ACACA: variants seen among roughly 807,000 people sequenced by gnomAD.
ACACA encodes acetyl-CoA carboxylase alpha, also known as acetyl-CoA carboxylase 1.
In ACACA, 103 loss-of-function variants were observed where a neutral mutation model predicts 296.1. That is an observed-to-expected ratio of 0.35 (90% CI 0.30 to 0.41). The LOEUF is 0.41. Ranked by LOEUF, ACACA falls within the 10% of genes least tolerant of loss-of-function variation. The pLI is 1.00. For missense variants in ACACA, 1,554 were observed against 2,989.7 expected (o/e 0.52, Z 11.20); for synonymous variants, 953 against 1,038.6 (o/e 0.92, Z 1.58).
intron 9 of ACACA, among the ~76,000 whole-genome samples, chr17:37,272,526 G>A (rs1457922530): frequency 6.6e-6 from 1 of 151,526 alleles, no homozygotes; most frequent in Non-Finnish European, 1.5e-5. Context: ...CTGAGTGATA[G>A]ATGATCAAAG....
chr17:37,110,318 T>G (rs1301304684), intron 52 of ACACA, among the ~76,000 whole-genome samples: 1 of 152,248 alleles, frequency 6.6e-6, no homozygotes, highest in Non-Finnish European at 1.5e-5. Flanking sequence ...CTGCAGTTAC[T>G]TTAATTAAAG....
intron 26 of ACACA, 181 bp from the exon 27 acceptor site, chr17:37,225,286 C>G: frequency 1.7e-6 from 1 of 577,612 alleles, no homozygotes; most frequent in Non-Finnish European, 3.1e-6. Context: ...CCACCAAATA[C>G]TGAATCTCAG....
At chr17:37,346,701 C>CAAA (rs1233696565) in intron 1 of ACACA, among the ~76,000 whole-genome samples, 11 of 36,600 alleles carry the variant, frequency 3.0e-4, no homozygotes, top group Non-Finnish European at 4.2e-4. Flanking sequence ...GACTCCATCT[C>CAAA]AAAAAAAAAA....
chr17:37,233,488 T>C (rs1212878245), intron 25 of ACACA, among the ~76,000 whole-genome samples: 1 of 152,212 alleles, frequency 6.6e-6, no homozygotes, highest in Non-Finnish European at 1.5e-5. Flanking sequence ...TTTGGTCTAT[T>C]TTTAGTGCAG....
At chr17:37,229,937 C>T (rs1731142905) in intron 25 of ACACA, among the ~76,000 whole-genome samples, 1 of 151,674 alleles carries the variant, frequency 6.6e-6, no homozygotes, top group African/African-American at 2.4e-5. Flanking sequence ...CGTGGTGGCG[C>T]ATGCCTGTAA....
chr17:37,151,209 T>C, intron 44 of ACACA, 92 bp downstream of exon 44: 3 of 1,418,580 alleles, frequency 2.1e-6, no homozygotes, highest in Non-Finnish European at 3.0e-6. Flanking sequence ...AGAAATGCTC[T>C]CATTTGGGAC....
At chr17:37,315,438 T>C (rs906583832) in intron 3 of ACACA, among the ~76,000 whole-genome samples, 9 of 152,158 alleles carry the variant, frequency 5.9e-5, no homozygotes, top group African/African-American at 2.2e-4. Context: ...AGTCTCACAA[T>C]TGAATTCTTA....
At chr17:37,223,996 G>A (rs1365512988) in intron 27 of ACACA, among the ~76,000 whole-genome samples, 5 of 152,226 alleles carry the variant, frequency 3.3e-5, no homozygotes, top group Non-Finnish European at 7.3e-5. Context: ...GAGGTCAGGA[G>A]TTCGAGACCA....
intron 14 of ACACA, among the ~76,000 whole-genome samples, chr17:37,253,961 T>C (rs1462848876): frequency 6.6e-6 from 1 of 152,142 alleles, no homozygotes; most frequent in Non-Finnish European, 1.5e-5. Context: ...TTACTTTTAT[T>C]ACTTCCCAGT....
intron 47 of ACACA, among the ~76,000 whole-genome samples, chr17:37,127,227 C>T (rs915645185): frequency 1.3e-5 from 2 of 152,156 alleles, no homozygotes; most frequent in Non-Finnish European, 2.9e-5. Flanking sequence ...GTTTCTAAAC[C>T]AAATTTCTAG....
Position 37,243,541 on chromosome 17 carries a change from G to A in ACACA, c.2761C>T (p.Arg921Ter). 3 of 1,613,898 alleles carry A rather than the reference G, an allele frequency of 1.9e-6. No individual in the cohort carries two copies. The highest frequency in any genetic ancestry group is 2.5e-6 in the Non-Finnish European group (3 of 1,179,992). Residue 921 changes from arginine (R) to a stop codon, truncating the protein, a stop_gained, in exon 22 of 56, where the codon CGA (arginine) becomes TGA (stop). Coordinates refer to ENST00000616317, the MANE Select transcript of ACACA (RefSeq NM_198834.3). LOFTEE classifies it high-confidence loss of function. Reference sequence around the variant, plus strand: ...GGATCTCTGAGGGTTTTCATCAATCGCTCTACCCAGTCTTTTACCTAGAAA... The same window carrying A: ...GGATCTCTGAGGGTTTTCATCAATCACTCTACCCAGTCTTTTACCTAGAAA... ...FSSKVKDWVERLMKTLRDPSL... is the reference protein window; with the variant it reads ...FSSKVKDWVE
chr17:37,213,538 A>G lies in ACACA; in HGVS notation c.3684-3048T>C, dbSNP rs73982270. On this transcript the variant is annotated intron_variant, in intron 29 of 55. Coordinates refer to ENST00000616317, the MANE Select transcript of ACACA (RefSeq NM_198834.3). The stretch of plus-strand genomic sequence containing the variant: ...AGAACCACTTTCTTTCTAGTAGATT[A>G]GCTCCATTTTACAGATGTGATAACC... Among the ~76,000 whole-genome samples the G allele has an allele frequency of 1.1e-3, 168 of 152,292 alleles. 1 individual carries two copies. Among genetic ancestry groups the G allele is most frequent in the African/African-American group, 4.0e-3 (165 of 41,564 alleles).
Position 37,085,457 on chromosome 17 carries a change from G to A in ACACA, c.*1859C>T. ...GGTGCAGGACTTCATACCACTTGTA[G>A]ATATGTGGGATTTGATTTATTGCAA... is the stretch of plus-strand genomic sequence containing the variant. On this transcript the variant is annotated 3_prime_UTR_variant, in exon 56 of 56. Coordinates refer to ENST00000616317, the MANE Select transcript of ACACA (RefSeq NM_198834.3). The A allele has an allele frequency of 2.5e-6, 1 of 397,124 alleles. No homozygotes were observed. Among genetic ancestry groups the A allele is most frequent in the Non-Finnish European group, 4.4e-6 (1 of 225,650 alleles). The allele number at this position is 397,124 out of a possible 1,614,324, so 24.6% of individuals were successfully genotyped here. A position where few individuals can be genotyped will look rare whatever the true frequency, so the allele number is the denominator to read the frequency against.
intron 1 of ACACA, among the ~76,000 whole-genome samples, chr17:37,370,771 G>A (rs1379455481): frequency 6.6e-6 from 1 of 151,978 alleles, no homozygotes; most frequent in South Asian, 2.1e-4. Flanking sequence ...TCACCCTGAG[G>A]TCAGGAGTTC....
At chr17:37,105,919 A>G (rs1367630617) in intron 52 of ACACA, among the ~76,000 whole-genome samples, 1 of 152,034 alleles carries the variant, frequency 6.6e-6, no homozygotes, top group Non-Finnish European at 1.5e-5. Flanking sequence ...GAATGGTTCA[A>G]TACTTATGAT....
chr17:37,269,382 T>C (rs928011737), intron 10 of ACACA, among the ~76,000 whole-genome samples: 1 of 152,186 alleles, frequency 6.6e-6, no homozygotes, highest in Non-Finnish European at 1.5e-5. Context: ...TAAGTCAAAA[T>C]TGCATTTAAT....
chr17:37,209,781 T>C (rs191086209), intron 30 of ACACA, among the ~76,000 whole-genome samples: 328 of 152,324 alleles, frequency 2.2e-3, no homozygotes, highest in African/African-American at 7.6e-3. Flanking sequence ...CAATCAGAAT[T>C]GTTATCCTCT....
intron 3 of ACACA, among the ~76,000 whole-genome samples, chr17:37,326,536 G>T (rs929669782): frequency 7.8e-6 from 1 of 128,282 alleles, no homozygotes; most frequent in Non-Finnish European, 1.7e-5. Flanking sequence ...CGTCTCAAAA[G>T]AAAAAAAAAA....
rs568044796 is a variant in ACACA at position 37,217,714 on chromosome 17, G to A, written c.3683+4010C>T. On this transcript the variant is annotated intron_variant, in intron 29 of 55. Coordinates refer to ENST00000616317, the MANE Select transcript of ACACA (RefSeq NM_198834.3). The stretch of plus-strand genomic sequence containing the variant: ...CGCGCCACTGCACTCCAGCCTGGGC[G>A]ACAGAGTGAGACTCCATCTCAAAAA... Among the ~76,000 whole-genome samples, 275 of 118,476 alleles carry A rather than the reference G, an allele frequency of 2.3e-3. 5 individuals are homozygous for A. Among genetic ancestry groups the A allele is most frequent in the Non-Finnish European group, 1.2e-3 (73 of 61,800 alleles). The allele number at this position is 118,476 out of a possible 152,430, so 77.7% of individuals were successfully genotyped here.
Sources: allele counts gnomAD v4.1 joint callset (sites outside exome capture counted in the v4.1 genomes callset), GRCh38; gene constraint gnomAD v4.1.1; transcripts MANE v1.5; gene names NCBI Gene and HGNC (gene_info 2026-07-23, HGNC 2026-07-21).